CACNA2D3: variants seen among roughly 807,000 people sequenced by gnomAD.
CACNA2D3 encodes the protein voltage-dependent calcium channel subunit alpha-2/delta-3.
A neutral mutation model predicts 160.6 loss-of-function variants in CACNA2D3; 60 were observed. The observed-to-expected ratio is 0.37, with a 90% CI of 0.30 to 0.46. CACNA2D3 has a LOEUF of 0.46. CACNA2D3 is among the 20% of genes least tolerant of loss of function. CACNA2D3 has a pLI of 1.00. For missense variants in CACNA2D3, 1,205 were observed against 1,365.0 expected, an observed-to-expected ratio of 0.88 and a Z score of 1.85; for synonymous variants, 558 against 492.9, an observed-to-expected ratio of 1.13 and a Z score of -1.75.
chr3:54,437,407 T>G (rs964294891), intron 4 of CACNA2D3, among the ~76,000 whole-genome samples: 1 of 152,260 alleles, frequency 6.6e-6, no homozygotes, highest in African/African-American at 2.4e-5. Flanking sequence ...TGAATTTTTC[T>G]AAGTAAAATA....
At chr3:54,539,179 T>C (rs1411788995) in intron 5 of CACNA2D3, among the ~76,000 whole-genome samples, 2 of 152,228 alleles carry the variant, frequency 1.3e-5, no homozygotes, top group East Asian at 3.9e-4. Context: ...TAGGGCAAAT[T>C]ACTTAAGCCT....
chr3:54,764,406 G>T lies in CACNA2D3; in HGVS notation c.1380+55G>T, dbSNP rs967078553. On this transcript the variant is annotated intron_variant, in intron 13 of 37. Coordinates refer to ENST00000474759, the MANE Select transcript of CACNA2D3 (RefSeq NM_018398.3). ...TAAGCTTTACCCCCATCCCCAAATT[G>T]TGTTAATTCCAGAAAATAGCAACTG... The T allele has an allele frequency of 9.2e-5, 146 of 1,593,920 alleles. 2 individuals carry two copies. Among genetic ancestry groups the T allele is most frequent in the Non-Finnish European group, 1.5e-5 (17 of 1,166,204 alleles).
chr3:54,149,631 G>A (rs1700102044), intron 2 of CACNA2D3, among the ~76,000 whole-genome samples: 1 of 152,120 alleles, frequency 6.6e-6, no homozygotes, highest in African/African-American at 2.4e-5. Context: ...CTGGAGCCCA[G>A]GGCAGGGCCT....
At chr3:54,858,661 G>A (rs1699220908) in intron 17 of CACNA2D3, among the ~76,000 whole-genome samples, 1 of 152,138 alleles carries the variant, frequency 6.6e-6, no homozygotes, top group Non-Finnish European at 1.5e-5. Flanking sequence ...CTTAAGTGAT[G>A]TTAGACTTTC....
At chr3:54,720,990 T>C (rs1211344828) in intron 11 of CACNA2D3, among the ~76,000 whole-genome samples, 2 of 152,188 alleles carry the variant, frequency 1.3e-5, no homozygotes, top group Non-Finnish European at 2.9e-5. Flanking sequence ...TTATCTATGT[T>C]TCTAGTTGAT....
intron 4 of CACNA2D3, among the ~76,000 whole-genome samples, chr3:54,481,179 T>C (rs1257705067): frequency 1.3e-5 from 2 of 152,152 alleles, no homozygotes; most frequent in Non-Finnish European, 2.9e-5. Context: ...CTAGGCTGCC[T>C]CTAGATAATG....
intron 3 of CACNA2D3, among the ~76,000 whole-genome samples, chr3:54,341,171 A>G (rs998505125): frequency 1.3e-5 from 2 of 152,202 alleles, no homozygotes; most frequent in Admixed American, 6.5e-5. Flanking sequence ...TACTTCTCCT[A>G]TGTTGCTTAA....
At chr3:54,331,254 G>A (rs1240041782) in intron 3 of CACNA2D3, among the ~76,000 whole-genome samples, 3 of 152,134 alleles carry the variant, frequency 2.0e-5, no homozygotes, top group Non-Finnish European at 4.4e-5. Flanking sequence ...ATGGAGAAGT[G>A]TAGCCATCCT....
In CACNA2D3 at chr3:54,363,051, C is replaced by T. The variant is rs188581811; in HGVS notation, c.322-23664C>T. On this transcript the variant is annotated intron_variant, in intron 3 of 37. Transcript: ENST00000474759. Reference sequence around the variant, plus strand: ...CTCTACTAAAATACAAAAAATTAGCCAGGTGTGGTGGTGTGCGCCTGTAGT... The same window carrying T: ...CTCTACTAAAATACAAAAAATTAGCTAGGTGTGGTGGTGTGCGCCTGTAGT... Among the ~76,000 whole-genome samples the T allele has an allele frequency of 6.4e-3, 971 of 152,016 alleles. 14 individuals are homozygous for T. Among genetic ancestry groups the T allele is most frequent in the African/African-American group, 0.022 (903 of 41,462 alleles).
At chr3:54,661,381 A>G (rs1699967308) in intron 11 of CACNA2D3, among the ~76,000 whole-genome samples, 2 of 152,154 alleles carry the variant, frequency 1.3e-5, no homozygotes, top group South Asian at 4.1e-4. Context: ...ACAAAAACTA[A>G]CGGTTTTAGA....
Position 54,881,108 on chromosome 3 carries a change from A to G in CACNA2D3, c.1912+245A>G, listed in dbSNP as rs141754385. Among the ~76,000 whole-genome samples, 50 of 152,310 alleles carry G rather than the reference A, an allele frequency of 3.3e-4. No homozygotes were observed. In the East Asian group the frequency reaches 9.5e-3, roughly 29 times the overall value. On this transcript the variant is annotated intron_variant, in intron 21 of 37. Transcript: ENST00000474759. ...TTTAATTTACTTATATTCTACTTTCATCCACAAAGCTGTTGACTATGAGTA... is the reference window on the plus strand; with the variant it reads ...TTTAATTTACTTATATTCTACTTTCGTCCACAAAGCTGTTGACTATGAGTA...
At chr3:54,570,360 C>A (rs2106720116) in intron 8 of CACNA2D3, among the ~76,000 whole-genome samples, 1 of 152,286 alleles carries the variant, frequency 6.6e-6, no homozygotes, top group Non-Finnish European at 1.5e-5. Flanking sequence ...GAGAATGACA[C>A]ACCAGATGTG....
intron 9 of CACNA2D3, among the ~76,000 whole-genome samples, chr3:54,607,006 TA>T (rs1698641170): frequency 1.3e-5 from 2 of 152,216 alleles, no homozygotes; most frequent in Admixed American, 1.3e-4. Context: ...ACATATTTTT[TA>T]ATTTGCCTCA....
chr3:54,422,547 GA>G (rs1699853521), intron 4 of CACNA2D3, among the ~76,000 whole-genome samples: 1 of 152,154 alleles, frequency 6.6e-6, no homozygotes, highest in African/African-American at 2.4e-5. Flanking sequence ...CAGATACGAA[GA>G]GTGAGTTGAC....
intron 31 of CACNA2D3, among the ~76,000 whole-genome samples, chr3:54,989,270 C>T (rs1702685276): frequency 1.3e-5 from 2 of 152,154 alleles, no homozygotes; most frequent in Admixed American, 6.5e-5. Flanking sequence ...TCCTTTCAAA[C>T]TGTTTGGTGG....
chr3:54,753,701 C>T (rs1353568853), intron 12 of CACNA2D3, among the ~76,000 whole-genome samples: 1 of 152,164 alleles, frequency 6.6e-6, no homozygotes, highest in African/African-American at 2.4e-5. Context: ...TGTTCTAATA[C>T]TCAAAATGGT....
chr3:54,368,014 G>A (rs1314883352), intron 3 of CACNA2D3, among the ~76,000 whole-genome samples: 3 of 152,182 alleles, frequency 2.0e-5, no homozygotes, highest in African/African-American at 7.2e-5. Context: ...TACCTTAGCA[G>A]CTGTGACTTA....
At chr3:54,414,513 A>G (rs1699722793) in intron 4 of CACNA2D3, among the ~76,000 whole-genome samples, 1 of 152,066 alleles carries the variant, frequency 6.6e-6, no homozygotes, top group South Asian at 2.1e-4. Flanking sequence ...GTTGTCTTTT[A>G]TTTGCCTGTG....
chr3:54,630,487 TCCTCCTC>T (rs987070471), intron 10 of CACNA2D3, among the ~76,000 whole-genome samples: 2 of 152,174 alleles, frequency 1.3e-5, no homozygotes, highest in African/African-American at 2.4e-5. Context: ...GGAGATGCCA[TCCTCCTC>T]TTGCAGACTC....
Sources: gnomAD v4.1 joint callset for allele counts (sites outside exome capture counted in the v4.1 genomes callset) on GRCh38, gnomAD v4.1.1 for gene constraint, MANE v1.5 for transcripts, NCBI Gene and HGNC (gene_info 2026-07-23, HGNC 2026-07-21) for gene names.